Variants in CYREN observed in about 807,000 individuals in gnomAD.
CYREN encodes cell cycle regulator of NHEJ.
A neutral mutation model predicts 9.7 loss-of-function variants in CYREN; 7 were observed. The ratio of observed to expected loss-of-function variants is 0.72; its 90% CI spans 0.41 to 1.36. The LOEUF is 1.36. Among genes scored for constraint, CYREN ranks in the 40% most tolerant of loss-of-function variants. The pLI, the probability that CYREN is intolerant of heterozygous loss-of-function variation, is 0.01. For missense variants in CYREN, 215 were observed against 198.1 expected (o/e 1.09, Z -0.51); for synonymous variants, 76 against 77.9 (o/e 0.98, Z 0.13).
At chr7:135,094,590 G>C in intron 2 of CYREN, 2 of 454,926 alleles carry the variant, frequency 4.4e-6, no homozygotes, top group Non-Finnish European at 8.8e-6. Flanking sequence ...GCTCTGGAAA[G>C]GGGAGAAGAA....
chr7:135,118,771 C>T lies in CYREN; in HGVS notation n.357-24189G>A, dbSNP rs939655184. On this transcript the variant is annotated intron_variant and non_coding_transcript_variant, in intron 2 of 2. Transcript: ENST00000459937. ...AAATGCTTCAAAAAACACTTATAAA[C>T]ACACTTGGAAGAAATAAAAAAATAG... Among the ~76,000 whole-genome samples, 3 of 151,774 alleles carry T rather than the reference C, an allele frequency of 2.0e-5. No homozygotes were observed. In the East Asian group the frequency reaches 5.8e-4, roughly 29 times the overall value.
At chr7:135,117,206 T>C (rs569792635) in intron 2 of CYREN, among the ~76,000 whole-genome samples, 4 of 150,468 alleles carry the variant, frequency 2.7e-5, no homozygotes, top group African/African-American at 9.7e-5. Flanking sequence ...CATTACCAAA[T>C]GGAATGCCAA....
rs1045287696 is a variant in CYREN, at chr7:135,109,866, G to A, written n.357-15284C>T. Among the ~76,000 whole-genome samples the A allele has an allele frequency of 2.6e-5, 4 of 152,168 alleles. No homozygotes were observed. In the East Asian group the frequency reaches 5.8e-4, roughly 22 times the overall value. On this transcript the variant is annotated intron_variant and non_coding_transcript_variant, in intron 2 of 2. Transcript: ENST00000459937. ...GCTAAGGCTGTGAAATAGCAAAGACGGTGGCCCATCCTTTCTCGTGGAAGC... is the reference window on the plus strand; with the variant it reads ...GCTAAGGCTGTGAAATAGCAAAGACAGTGGCCCATCCTTTCTCGTGGAAGC...
chr7:135,123,085 T>C (rs940390630), intron 2 of CYREN, among the ~76,000 whole-genome samples: 1 of 149,812 alleles, frequency 6.7e-6, no homozygotes, highest in Non-Finnish European at 1.5e-5. Flanking sequence ...AGATGAGTAA[T>C]AAAAAACGGC....
In CYREN at chr7:135,166,568, C is replaced by T. The variant is rs1257962288; in HGVS notation, c.*43G>A. ...CAGCACCAGTGGAAGCTCAGCTGTC[C>T]TCCAGCTGCTCTCGGCAGACAGTTC... On this transcript the variant is annotated 3_prime_UTR_variant, in exon 4 of 4. Coordinates refer to ENST00000393114, the MANE Select transcript of CYREN (RefSeq NM_024033.4). The T allele has an allele frequency of 2.0e-6, 3 of 1,530,988 alleles. No individual in the cohort carries two copies. In the African/African-American group the frequency reaches 4.1e-5, roughly 21 times the overall value. 94.8% of individuals were successfully genotyped at this position (1,530,988 alleles called of 1,614,324 possible).
At chr7:135,093,573 C>T (rs1367420551) in exon 3 of CYREN, 1 of 152,042 alleles carries the variant, frequency 6.6e-6, no homozygotes, top group East Asian at 1.9e-4. Flanking sequence ...GACTTATAAA[C>T]TGAAAACTAC....
chr7:135,156,260 C>G (rs1686974025), intron 2 of CYREN, among the ~76,000 whole-genome samples: 1 of 152,116 alleles, frequency 6.6e-6, no homozygotes, highest in Non-Finnish European at 1.5e-5. Context: ...ATCACTGGGC[C>G]TCCTGTATCT....
intron 2 of CYREN, among the ~76,000 whole-genome samples, chr7:135,130,109 G>A (rs938324513): frequency 7.9e-5 from 12 of 152,190 alleles, no homozygotes; most frequent in Admixed American, 7.9e-4. Context: ...CCTTACAACT[G>A]GGGTAGGTAG....
At chr7:135,154,215 T>C (rs1305555913) in intron 2 of CYREN, among the ~76,000 whole-genome samples, 2 of 152,204 alleles carry the variant, frequency 1.3e-5, no homozygotes, top group Non-Finnish European at 2.9e-5. Flanking sequence ...TTGGATCTTC[T>C]TTCTTCTTGG....
At chr7:135,161,170 G>C (rs191903364), downstream of CYREN, among the ~76,000 whole-genome samples, 1 of 152,246 alleles carries the variant, frequency 6.6e-6, no homozygotes, top group African/African-American at 2.4e-5. This position sits in a 1 kb window ranked among gnomAD's most constrained non-coding sequence, Gnocchi z 4.1. Flanking sequence ...TTCTTGGCTC[G>C]TTTTGTTTTG....
upstream of CYREN, among the ~76,000 whole-genome samples, chr7:135,171,627 C>A (rs1293685427): frequency 2.6e-5 from 4 of 152,204 alleles, no homozygotes; most frequent in Non-Finnish European, 5.9e-5. Context: ...AGAAATTGTG[C>A]ACTCGGGGAG....
downstream of CYREN, chr7:135,164,524 T>C (rs1331692033): frequency 1.2e-6 from 2 of 1,614,016 alleles, no homozygotes; most frequent in Admixed American, 1.7e-5. Context: ...ATCTGCCTGA[T>C]GTTTTACGCT....
intron 2 of CYREN, chr7:135,101,042 C>G (rs1585116934): frequency 2.6e-6 from 1 of 380,952 alleles, no homozygotes; most frequent in East Asian, 7.2e-5. Context: ...GAGTAGCTTA[C>G]TGTTGACAAT....
At position 135,096,584 on chromosome 7, in the gene CYREN, C is replaced by CATACATAGATAGATAG. The variant is rs1822811727; in HGVS notation, n.357-2003_357-2002insCTATCTATCTATGTAT. Among the ~76,000 whole-genome samples, 8 of 88,814 alleles carry CATACATAGATAGATAG rather than the reference C, an allele frequency of 9.0e-5. No individual in the cohort carries two copies. The East Asian group carries it at 1.7e-3, about 18-fold the overall frequency. 58.3% of individuals were successfully genotyped at this position (88,814 alleles called of 152,430 possible). A position where few individuals can be genotyped will look rare whatever the true frequency, so the allele number is the denominator to read the frequency against. On this transcript the variant is annotated intron_variant and non_coding_transcript_variant, in intron 2 of 2. Coordinates refer to the CYREN transcript ENST00000459937. The stretch of plus-strand genomic sequence containing the variant: ...AGATAGATAGATAGATAGATAGATA[C>CATACATAGATAGATAG]ATAGATAGATAGATAGATAGATAGA...
At chr7:135,165,626 G>A (rs966526893), downstream of CYREN, 4 of 167,488 alleles carry the variant, frequency 2.4e-5, no homozygotes, top group African/African-American at 7.2e-5. Context: ...CCTGAAGCCA[G>A]ACAGGGCAGA....
intron 2 of CYREN, among the ~76,000 whole-genome samples, chr7:135,124,107 T>A (rs1827518924): frequency 6.6e-6 from 1 of 151,760 alleles, no homozygotes; most frequent in Non-Finnish European, 1.5e-5. Context: ...GCAAATTGGA[T>A]AAAGAGTCAA....
intron 2 of CYREN, among the ~76,000 whole-genome samples, chr7:135,107,280 T>C (rs1443002866): frequency 6.6e-6 from 1 of 152,214 alleles, no homozygotes; most frequent in African/African-American, 2.4e-5. Context: ...TGCTCCTGCT[T>C]CTCTAGTTAT....
chr7:135,104,339 C>T (rs1824319752), intron 2 of CYREN, among the ~76,000 whole-genome samples: 5 of 152,130 alleles, frequency 3.3e-5, no homozygotes, highest in Admixed American at 3.3e-4. Flanking sequence ...AGGTTGATTC[C>T]ATGTCTTTGC....
chr7:135,136,882 C>T (rs1471488840), intron 2 of CYREN, among the ~76,000 whole-genome samples: 2 of 151,982 alleles, frequency 1.3e-5, no homozygotes, highest in Admixed American at 6.6e-5. Flanking sequence ...TACCTTGGTC[C>T]ATAATTGCAC....
Sources: allele counts gnomAD v4.1 joint callset (sites outside exome capture counted in the v4.1 genomes callset), GRCh38; gene constraint gnomAD v4.1.1; non-coding constraint Gnocchi (gnomAD v3.1); transcripts MANE v1.5; gene names NCBI Gene and HGNC (gene_info 2026-07-23, HGNC 2026-07-21).